Variants in TRANK1 observed in about 807,000 individuals in gnomAD.
The protein encoded by TRANK1 is tetratricopeptide repeat and ankyrin repeat containing 1, also known as TPR and ankyrin repeat-containing protein 1.
In TRANK1, 198 loss-of-function variants were observed where a neutral mutation model predicts 266.0. That is an observed-to-expected ratio of 0.74 (90% CI 0.66 to 0.84). TRANK1 has a LOEUF of 0.84. Ranked by LOEUF, TRANK1 falls within the 40% of genes least tolerant of loss-of-function variation. The pLI, the probability that TRANK1 is intolerant of heterozygous loss-of-function variation, is 0.00. For synonymous variants in TRANK1, 1,396 were observed against 1,384.1 expected, an observed-to-expected ratio of 1.01 and a Z score of -0.19; for missense variants, 3,326 against 3,634.6, an observed-to-expected ratio of 0.92 and a Z score of 2.18.
intron 13 of TRANK1, 83 bp downstream of exon 13, chr3:36,855,090 C>A: frequency 1.6e-6 from 2 of 1,258,724 alleles, no homozygotes; most frequent in African/African-American, 1.5e-5. Flanking sequence ...AAAAACCTAA[C>A]AAGAGCTAGT....
intron 1 of TRANK1, among the ~76,000 whole-genome samples, chr3:36,917,969 A>T (rs2080149849): frequency 6.6e-6 from 1 of 152,198 alleles, no homozygotes; most frequent in Admixed American, 6.5e-5. Context: ...CCCTAGAGGA[A>T]ATTGAGGGAT....
chr3:36,889,901 T>G lies in TRANK1; in HGVS notation c.835A>C (p.Asn279His), dbSNP rs866686405. 2 of 1,537,128 alleles carry G rather than the reference T, an allele frequency of 1.3e-6. No individual in the cohort carries two copies. The highest frequency in any genetic ancestry group is 2.7e-5 in the African/African-American group (2 of 73,034). The change falls in exon 8 of 24, where the codon AAC becomes CAC. Residue 279 changes from asparagine (N) to histidine (H), a missense_variant. By Grantham distance (68) the Asn-to-His change is moderately conservative. Transcript: ENST00000645898. ...GTGCAGCCATCCCCATCCTTCTGGT[T>G]AATGCGGCCTTTCCACTCGGGCTTG... Reference protein sequence around the residue: ...DHKPEWKGRINQKDGDGCTVL... With the variant: ...DHKPEWKGRIHQKDGDGCTVL...
intron 10 of TRANK1, among the ~76,000 whole-genome samples, chr3:36,861,573 G>A (rs180985164): frequency 6.6e-6 from 1 of 152,120 alleles, no homozygotes; most frequent in Admixed American, 6.6e-5. Flanking sequence ...GTAACCATGA[G>A]AGGATGGCTT....
chr3:36,887,031 C>T (rs1166542614), intron 8 of TRANK1, among the ~76,000 whole-genome samples: 1 of 151,676 alleles, frequency 6.6e-6, no homozygotes, highest in African/African-American at 2.4e-5. Flanking sequence ...CTCAGCCTCC[C>T]GAGTAGCTGG....
In TRANK1 at chr3:36,879,623, T is replaced by TAAATATATATAAATATAC. The variant is rs1559448092; in HGVS notation, c.908-5328_908-5327insGTATATTTATATATATTT. ...AAATATATATAAATATACAAATATA[T>TAAATATATATAAATATAC]ATAAATATATATAAATATACAAATA... On this transcript the variant is annotated intron_variant, in intron 8 of 23. Transcript: ENST00000645898. Among the ~76,000 whole-genome samples the TAAATATATATAAATATAC allele has an allele frequency of 1.1e-4, 13 of 114,836 alleles. 3 individuals carry two copies. Among genetic ancestry groups the TAAATATATATAAATATAC allele is most frequent in the Non-Finnish European group, 1.6e-4 (10 of 60,998 alleles). 75.3% of individuals were successfully genotyped at this position (114,836 alleles called of 152,430 possible).
chr3:36,913,504 T>A (rs2125638112), intron 1 of TRANK1, among the ~76,000 whole-genome samples: 1 of 151,922 alleles, frequency 6.6e-6, no homozygotes, highest in African/African-American at 2.4e-5. Flanking sequence ...TCTCCTCTCC[T>A]CTCCTCTCTT....
intron 1 of TRANK1, among the ~76,000 whole-genome samples, chr3:36,938,171 G>A (rs1269846978): frequency 2.0e-5 from 3 of 152,158 alleles, no homozygotes; most frequent in Non-Finnish European, 4.4e-5. Flanking sequence ...ACAGCACTGG[G>A]AGAATCGGAG....
intron 17 of TRANK1, among the ~76,000 whole-genome samples, chr3:36,843,207 T>C (rs1262202116): frequency 6.6e-6 from 1 of 152,116 alleles, no homozygotes; most frequent in African/African-American, 2.4e-5. Flanking sequence ...ATGTAAGATA[T>C]ATTTTAACTT....
chr3:36,862,510 T>C (rs1258920828), intron 10 of TRANK1, among the ~76,000 whole-genome samples: 4 of 152,190 alleles, frequency 2.6e-5, no homozygotes, highest in Non-Finnish European at 4.4e-5. Flanking sequence ...ATCTATTCAC[T>C]CATCATCTGG....
intron 9 of TRANK1, among the ~76,000 whole-genome samples, chr3:36,871,369 C>A (rs1442961440): frequency 2.0e-5 from 3 of 152,106 alleles, no homozygotes; most frequent in African/African-American, 7.2e-5. Flanking sequence ...GCCTGGGTGA[C>A]AAGAGTGAAA....
intron 5 of TRANK1, among the ~76,000 whole-genome samples, chr3:36,894,464 A>T (rs913886535): frequency 6.6e-6 from 1 of 152,212 alleles, no homozygotes; most frequent in African/African-American, 2.4e-5. Context: ...AAAATATCTC[A>T]AATGTCTTTT....
In TRANK1 at chr3:36,856,328, C is replaced by A. The variant is rs1277767970; in HGVS notation, c.3394G>T (p.Glu1132Ter). 3 of 1,573,380 alleles carry A rather than the reference C, an allele frequency of 1.9e-6. No individual in the cohort carries two copies. The Admixed American group carries it at 5.7e-5, about 30-fold the overall frequency. The change falls in exon 13 of 24, where the codon GAA (glutamate) becomes TAA (stop). Residue 1132 changes from glutamate (E) to a stop codon, truncating the protein, a stop_gained. Coordinates refer to ENST00000645898, the MANE Select transcript of TRANK1 (RefSeq NM_001329998.2). LOFTEE classifies it high-confidence loss of function. Reference sequence around the variant, plus strand: ...TCCTCGTCCTCTTCCTCCTCCTCTTCCTCCCCACCTGGACTCTCTTTTCCG... The same window carrying A: ...TCCTCGTCCTCTTCCTCCTCCTCTTACTCCCCACCTGGACTCTCTTTTCCG... ...EPGKESPGGE[E>*]EEEEEDEEEE... is the part of the protein sequence containing the mutation.
chr3:36,851,684 T>C (rs1261953558), intron 15 of TRANK1, 35 bp downstream of exon 15: 2 of 1,592,452 alleles, frequency 1.3e-6, no homozygotes, highest in African/African-American at 2.7e-5. Context: ...CATACATAAA[T>C]ATTCATTGTG....
intron 9 of TRANK1, among the ~76,000 whole-genome samples, chr3:36,869,083 T>C (rs1160258001): frequency 1.3e-5 from 2 of 152,230 alleles, no homozygotes; most frequent in African/African-American, 2.4e-5. Context: ...ATAAAGACCA[T>C]TCTGTAATCT....
chr3:36,921,478 G>A (rs1308828415), intron 1 of TRANK1, among the ~76,000 whole-genome samples: 1 of 152,208 alleles, frequency 6.6e-6, no homozygotes, highest in Non-Finnish European at 1.5e-5. Flanking sequence ...GGGAGTAAGA[G>A]TACAGCTCTT....
intron 7 of TRANK1, among the ~76,000 whole-genome samples, chr3:36,890,675 C>T (rs1326057566): frequency 6.6e-6 from 1 of 152,180 alleles, no homozygotes; most frequent in East Asian, 1.9e-4. Flanking sequence ...GATTACCCTA[C>T]TACATTACTA....
rs779170288 is a variant in TRANK1, at chr3:36,831,181, G to A, written c.8402C>T (p.Ser2801Phe). 6.2e-7 allele frequency: 1 copy of A among 1,613,960 alleles called. No individual in the cohort carries two copies. The highest frequency in any genetic ancestry group is 8.5e-7 in the Non-Finnish European group (1 of 1,179,886). ...EGAASEVAVL[S>F]RAELEREECQ... ...CTCCTCCCTTTCCAGCTCAGCCCTGGAAAGGACTGCCACCTCGGAAGCTGC... is the reference window on the plus strand; with the variant it reads ...CTCCTCCCTTTCCAGCTCAGCCCTGAAAAGGACTGCCACCTCGGAAGCTGC... Residue 2801 changes from serine (S) to phenylalanine (F), a missense_variant, in exon 22 of 24, where the codon TCC becomes TTC. Coordinates refer to ENST00000645898, the MANE Select transcript of TRANK1 (RefSeq NM_001329998.2). This position sits in a 1 kb window ranked among gnomAD's most constrained non-coding sequence, Gnocchi z 5.0.
intron 20 of TRANK1, among the ~76,000 whole-genome samples, chr3:36,836,568 T>C (rs2078773188): frequency 6.6e-6 from 1 of 152,200 alleles, no homozygotes; most frequent in African/African-American, 2.4e-5. Context: ...TTAGAATGAC[T>C]ACCAATGAGA....
At chr3:36,945,726 C>T (rs2080564654), upstream of TRANK1, among the ~76,000 whole-genome samples, 1 of 152,212 alleles carries the variant, frequency 6.6e-6, no homozygotes. Flanking sequence ...TTCACAGCTT[C>T]TCTGGGCCTG....
Sources: allele counts gnomAD v4.1 joint callset (sites outside exome capture counted in the v4.1 genomes callset), GRCh38; gene constraint gnomAD v4.1.1; non-coding constraint Gnocchi (gnomAD v3.1); transcripts MANE v1.5; gene names NCBI Gene and HGNC (gene_info 2026-07-23, HGNC 2026-07-21).